The following RANBP2 variants were observed in gnomAD, a reference collection of about 807,000 sequenced individuals.
The protein encoded by RANBP2 is E3 SUMO-protein ligase RanBP2.
Under a neutral mutation model 303.6 loss-of-function variants are expected in RANBP2, and 57 were observed. The observed-to-expected ratio is 0.19, with a 90% CI of 0.15 to 0.23. The LOEUF is 0.23. RANBP2 is among the 10% of genes least tolerant of loss of function. The probability of loss-of-function intolerance (pLI) is 1.00; values close to 1 mark genes in which losing one functional copy is unlikely to be tolerated. For missense variants in RANBP2, 3,138 were observed against 3,780.8 expected (o/e 0.83, Z 4.46); for synonymous variants, 1,167 against 1,301.5 (o/e 0.90, Z 2.23).
At chr2:109,542,690 T>G in the RANBP2 span, among the ~76,000 whole-genome samples, 2 of 152,208 alleles carry the variant, frequency 1.3e-5, no homozygotes, top group African/African-American at 4.8e-5. Context: ...CGAAGAAACT[T>G]CTGAGCTTGT....
chr2:109,352,556 G>A, the RANBP2 span, among the ~76,000 whole-genome samples: 1 of 152,230 alleles, frequency 6.6e-6, no homozygotes, highest in Non-Finnish European at 1.5e-5. Flanking sequence ...GGAAACTTTA[G>A]CTTTACCTCT....
At chr2:109,470,321 C>T in the RANBP2 span, among the ~76,000 whole-genome samples, 13 of 152,284 alleles carry the variant, frequency 8.5e-5, no homozygotes, top group African/African-American at 2.2e-4. Context: ...GCTTGCATTT[C>T]GGGTAGACTC....
At chr2:108,824,406 CA>C in the RANBP2 span, among the ~76,000 whole-genome samples, 1 of 152,028 alleles carries the variant, frequency 6.6e-6, no homozygotes, top group Non-Finnish European at 1.5e-5. Flanking sequence ...AACTAAGACA[CA>C]AACGCACATG....
At chr2:108,833,528 G>GT in the RANBP2 span, among the ~76,000 whole-genome samples, 1 of 152,152 alleles carries the variant, frequency 6.6e-6, no homozygotes, top group East Asian at 1.9e-4. Flanking sequence ...GAAGTCTGGT[G>GT]TTTCTTAAGC....
At chr2:109,663,971 G>C in the RANBP2 span, among the ~76,000 whole-genome samples, 9 of 152,208 alleles carry the variant, frequency 5.9e-5, no homozygotes, top group Admixed American at 2.0e-4. Flanking sequence ...CAGACACATG[G>C]ACTCAGGGCT....
chr2:109,431,564 T>C, the RANBP2 span, among the ~76,000 whole-genome samples: 1 of 152,218 alleles, frequency 6.6e-6, no homozygotes, highest in Non-Finnish European at 1.5e-5. Flanking sequence ...TTTTCACCAC[T>C]AAATTTGCTC....
At chr2:109,129,212 C>T in the RANBP2 span, 1 of 524,182 alleles carries the variant, frequency 1.9e-6, no homozygotes, top group South Asian at 1.7e-5. Flanking sequence ...AGCACAGAAC[C>T]CGTTGAGCTT....
the RANBP2 span, among the ~76,000 whole-genome samples, chr2:109,556,865 T>C: frequency 6.6e-6 from 1 of 152,150 alleles, no homozygotes; most frequent in South Asian, 2.1e-4. Context: ...TTCATGTCCT[T>C]TGTAGGGACA....
the RANBP2 span, among the ~76,000 whole-genome samples, chr2:109,430,459 C>T: frequency 2.6e-5 from 4 of 152,186 alleles, no homozygotes; most frequent in Non-Finnish European, 5.9e-5. Flanking sequence ...CCTCTCCTCT[C>T]CCCTTCTCTT....
At chr2:109,567,903 A>C in the RANBP2 span, 1 of 1,614,018 alleles carries the variant, frequency 6.2e-7, no homozygotes, top group African/African-American at 1.3e-5. Context: ...TTCACTCATG[A>C]GCTTGATCTT....
At chr2:109,552,951 C>T in the RANBP2 span, 270 of 966,972 alleles carry the variant, frequency 2.8e-4, no homozygotes, top group Non-Finnish European at 3.1e-4. Flanking sequence ...TATTCAAATA[C>T]TATGTGTTGG....
rs1367481379 is a variant in RANBP2 at position 108,763,352 on chromosome 2, T to C, written c.2813T>C (p.Met938Thr). 3.7e-6 allele frequency: 6 copies of C among 1,613,940 alleles called. No individual in the cohort carries two copies. The highest frequency in any genetic ancestry group is 3.4e-6 in the Non-Finnish European group (4 of 1,179,948). ...TCTGCTTGTATGTTCTCTCAGGAGA[T>C]GTATGGTCCTCCTGCATTGCGTTTT... ...SSSACMFSQE[M>T]YGPPALRFES... The change falls in exon 20 of 29, where the codon ATG becomes ACG. Residue 938 changes from methionine to threonine, a missense_variant. By Grantham distance (81) the Met-to-Thr change is moderately conservative. This residue lies in a region of RANBP2 where 403 missense variants were observed against 376.7 expected (regional missense o/e 1.07). Transcript: ENST00000283195.
At chr2:109,254,871 T>C in the RANBP2 span, among the ~76,000 whole-genome samples, 1 of 152,186 alleles carries the variant, frequency 6.6e-6, no homozygotes, top group Non-Finnish European at 1.5e-5. Flanking sequence ...GTCCGAATTC[T>C]CACGGGTGGG....
At chr2:109,567,410 A>G in the RANBP2 span, among the ~76,000 whole-genome samples, 6 of 152,374 alleles carry the variant, frequency 3.9e-5, no homozygotes, top group East Asian at 7.7e-4. Flanking sequence ...GAGAAGGAGC[A>G]TAAATACTAG....
chr2:109,614,657 C>G, the RANBP2 span: 3 of 1,477,978 alleles, frequency 2.0e-6, no homozygotes, highest in Non-Finnish European at 2.7e-6. Context: ...GCGCGCACTT[C>G]AAGGAGCTGG....
At chr2:109,033,937 A>G in the RANBP2 span, among the ~76,000 whole-genome samples, 2 of 147,888 alleles carry the variant, frequency 1.4e-5, no homozygotes, top group Non-Finnish European at 3.0e-5. Context: ...GCCTGGCGAC[A>G]GAGGGAGACC....
chr2:108,847,191 T>A, the RANBP2 span, among the ~76,000 whole-genome samples: 1 of 152,248 alleles, frequency 6.6e-6, no homozygotes, highest in Non-Finnish European at 1.5e-5. Flanking sequence ...TACATCTATT[T>A]GTATTTGTCA....
At chr2:109,010,751 C>A in the RANBP2 span, among the ~76,000 whole-genome samples, 2 of 152,252 alleles carry the variant, frequency 1.3e-5, no homozygotes, top group African/African-American at 2.4e-5. Context: ...ATTCTATTCA[C>A]TGCTAAGACA....
chr2:109,276,795 A>G, the RANBP2 span, among the ~76,000 whole-genome samples: 2 of 152,162 alleles, frequency 1.3e-5, no homozygotes, highest in Non-Finnish European at 2.9e-5. Context: ...ACATATATAT[A>G]TACTACCTTT....
Sources: gnomAD v4.1 joint callset for allele counts (sites outside exome capture counted in the v4.1 genomes callset) on GRCh38, gnomAD v4.1.1 for gene constraint, gnomAD v4.1.1 regional missense constraint, MANE v1.5 for transcripts, NCBI Gene and HGNC (gene_info 2026-07-23, HGNC 2026-07-21) for gene names.